Variants in GRID2 observed in about 807,000 individuals in gnomAD.
GRID2 encodes glutamate ionotropic receptor delta type subunit 2.
GRID2 carries 33 observed loss-of-function variants against 114.8 expected under a neutral mutation model. The ratio of observed to expected loss-of-function variants is 0.29; its 90% CI spans 0.22 to 0.38. The LOEUF is 0.38. Ranked by LOEUF, GRID2 falls within the 10% of genes least tolerant of loss-of-function variation. The pLI, the probability that GRID2 is intolerant of heterozygous loss-of-function variation, is 1.00. For missense variants in GRID2, 1,184 were observed against 1,257.7 expected, an observed-to-expected ratio of 0.94 and a Z score of 0.89; for synonymous variants, 505 against 449.9, an observed-to-expected ratio of 1.12 and a Z score of -1.55.
At chr4:92,449,982 A>G (rs1720817710) in intron 1 of GRID2, among the ~76,000 whole-genome samples, 1 of 151,920 alleles carries the variant, frequency 6.6e-6, no homozygotes, top group African/African-American at 2.4e-5. Flanking sequence ...CATGTAAAAC[A>G]TAATTCATCT....
At chr4:92,519,434 G>A (rs1156715237) in intron 1 of GRID2, among the ~76,000 whole-genome samples, 1 of 151,396 alleles carries the variant, frequency 6.6e-6, no homozygotes, top group Admixed American at 6.6e-5. Flanking sequence ...CAGAATCTAA[G>A]TACTAAAAAG....
chr4:93,674,428 A>T (rs1724680558), intron 14 of GRID2, among the ~76,000 whole-genome samples: 1 of 152,224 alleles, frequency 6.6e-6, no homozygotes, highest in African/African-American at 2.4e-5. Context: ...CTTTAAAATA[A>T]ATAAAAATAA....
chr4:92,606,421 G>A (rs111685771), intron 2 of GRID2, among the ~76,000 whole-genome samples: 24 of 151,984 alleles, frequency 1.6e-4, no homozygotes, highest in African/African-American at 1.4e-4. Context: ...CACTAGTTTC[G>A]CTTTAAGTCT....
intron 2 of GRID2, among the ~76,000 whole-genome samples, chr4:92,601,879 A>G (rs1467160152): frequency 6.6e-6 from 1 of 152,152 alleles, no homozygotes; most frequent in Admixed American, 6.6e-5. Context: ...GAATACTATA[A>G]ACACCTCTAT....
intron 2 of GRID2, among the ~76,000 whole-genome samples, chr4:92,945,828 T>C (rs1751583540): frequency 6.6e-6 from 1 of 152,136 alleles, no homozygotes; most frequent in Admixed American, 6.6e-5. Context: ...CTGTAATTTT[T>C]GATTTTTCAG....
At chr4:92,942,352 T>C (rs2149538063) in intron 2 of GRID2, among the ~76,000 whole-genome samples, 1 of 152,326 alleles carries the variant, frequency 6.6e-6, no homozygotes, top group African/African-American at 2.4e-5. Flanking sequence ...CTGATATTTG[T>C]TGGTTTAAAG....
rs1755057573 is a variant in GRID2, at chr4:92,994,024, T to C, written c.245-90971T>C. Among the ~76,000 whole-genome samples the C allele has an allele frequency of 1.3e-5, 2 of 152,190 alleles. 1 individual carries two copies. Among genetic ancestry groups the C allele is most frequent in the South Asian group, 4.1e-4 (2 of 4,830 alleles). ...AAGCAAACCCCTGTTCTGTTCCTCATCTTTTATCCAGTGTCTGAGGATACA... is the reference window on the plus strand; with the variant it reads ...AAGCAAACCCCTGTTCTGTTCCTCACCTTTTATCCAGTGTCTGAGGATACA... On this transcript the variant is annotated intron_variant, in intron 2 of 15. Coordinates refer to ENST00000282020, the MANE Select transcript of GRID2 (RefSeq NM_001510.4).
rs57293124 is a variant in GRID2 at position 92,585,322 on chromosome 4, C to T, written c.89-4809C>T. On this transcript the variant is annotated intron_variant, in intron 1 of 15. Coordinates refer to ENST00000282020, the MANE Select transcript of GRID2 (RefSeq NM_001510.4). ...TTGCTAACTTTCAGTTAAGTTTATTCCTTTTATGATTACCTACCATATATA... is the reference window on the plus strand; with the variant it reads ...TTGCTAACTTTCAGTTAAGTTTATTTCTTTTATGATTACCTACCATATATA... Among the ~76,000 whole-genome samples the T allele has an allele frequency of 6.8e-3, 1,038 of 151,946 alleles. 9 individuals are homozygous for T. Among genetic ancestry groups the T allele is most frequent in the African/African-American group, 0.022 (906 of 41,484 alleles).
intron 9 of GRID2, among the ~76,000 whole-genome samples, chr4:93,413,248 G>A (rs1306327434): frequency 6.6e-6 from 1 of 152,116 alleles, no homozygotes; most frequent in Non-Finnish European, 1.5e-5. Flanking sequence ...TCACAGCCTT[G>A]CCAGCATCTG....
intron 2 of GRID2, among the ~76,000 whole-genome samples, chr4:92,768,708 T>C (rs1009997355): frequency 1.3e-5 from 2 of 152,122 alleles, no homozygotes; most frequent in Non-Finnish European, 2.9e-5. Context: ...CTTACAAGAA[T>C]GGTGGCAGGC....
At chr4:93,136,330 C>G (rs1735250454) in intron 4 of GRID2, among the ~76,000 whole-genome samples, 1 of 150,456 alleles carries the variant, frequency 6.6e-6, no homozygotes, top group South Asian at 2.1e-4. Context: ...TAAGTCCTTG[C>G]TTTAATGGTA....
chr4:92,787,213 G>T (rs1739360112), intron 2 of GRID2, among the ~76,000 whole-genome samples: 1 of 151,808 alleles, frequency 6.6e-6, no homozygotes. Flanking sequence ...AAAAGACAAA[G>T]ATCCCAGACA....
rs1204306612 is a variant in GRID2 at position 93,517,991 on chromosome 4, ACATACATG to A, written c.2193+2581_2193+2588del. Among the ~76,000 whole-genome samples the A allele has an allele frequency of 5.9e-3, 104 of 17,582 alleles. 2 individuals carry two copies. Among genetic ancestry groups the A allele is most frequent in the African/African-American group, 0.026 (92 of 3,476 alleles). The allele number at this position is 17,582 out of a possible 152,430, so 11.5% of individuals were successfully genotyped here. On this transcript the variant is annotated intron_variant, in intron 13 of 15. Coordinates refer to ENST00000282020, the MANE Select transcript of GRID2 (RefSeq NM_001510.4). ...TACATACATGTACATGTATGTATAT[ACATACATG>A]TATATGTATGTATATACATACATGT...
chr4:93,140,160 CTT>C (rs10684978), intron 4 of GRID2, among the ~76,000 whole-genome samples: 4 of 128,228 alleles, frequency 3.1e-5, no homozygotes, highest in South Asian at 2.5e-4. Flanking sequence ...CTTTTCTTTT[CTT>C]TTTTTTTTTT....
intron 2 of GRID2, among the ~76,000 whole-genome samples, chr4:92,696,051 G>A (rs1734410719): frequency 1.3e-5 from 2 of 152,054 alleles, no homozygotes; most frequent in Admixed American, 1.3e-4. Context: ...TTAGTTCTAA[G>A]ACTTGTTAGT....
intron 14 of GRID2, among the ~76,000 whole-genome samples, chr4:93,762,088 A>G (rs529083075): frequency 1.3e-5 from 2 of 152,322 alleles, no homozygotes; most frequent in African/African-American, 4.8e-5. Flanking sequence ...TCTGAAAATC[A>G]TCTGCATGCT....
intron 4 of GRID2, among the ~76,000 whole-genome samples, chr4:93,150,843 G>A (rs1736665777): frequency 6.6e-6 from 1 of 151,904 alleles, no homozygotes; most frequent in Non-Finnish European, 1.5e-5. Context: ...AATACAGTCA[G>A]AGGTCGGGCG....
At chr4:92,339,250 T>G (rs1347555190) in intron 1 of GRID2, among the ~76,000 whole-genome samples, 2 of 152,258 alleles carry the variant, frequency 1.3e-5, no homozygotes, top group East Asian at 3.9e-4. Flanking sequence ...GGAAAGCTGA[T>G]CCATTATGCT....
intron 14 of GRID2, among the ~76,000 whole-genome samples, chr4:93,713,240 A>G (rs1043154981): frequency 1.3e-5 from 2 of 152,150 alleles, no homozygotes; most frequent in Admixed American, 6.6e-5. Flanking sequence ...AGTTCATTTT[A>G]CAACCAGTTG....
Sources: allele counts gnomAD v4.1 joint callset (sites outside exome capture counted in the v4.1 genomes callset), GRCh38; gene constraint gnomAD v4.1.1; transcripts MANE v1.5; gene names NCBI Gene and HGNC (gene_info 2026-07-23, HGNC 2026-07-21).